DNAH9: variants seen among roughly 807,000 people sequenced by gnomAD.
The protein encoded by DNAH9 is DNAH9 variant protein.
Under a neutral mutation model 471.6 loss-of-function variants are expected in DNAH9, and 345 were observed. The observed-to-expected ratio is 0.73, with a 90% CI of 0.67 to 0.80. The LOEUF is 0.80. Ranked by LOEUF, DNAH9 falls within the 30% of genes least tolerant of loss-of-function variation. DNAH9 has a pLI of 0.00. For missense variants in DNAH9, 5,407 were observed against 5,609.2 expected, an observed-to-expected ratio of 0.96 and a Z score of 1.15; for synonymous variants, 2,093 against 2,123.6, an observed-to-expected ratio of 0.99 and a Z score of 0.40.
rs1205010044 is a variant in DNAH9 at position 11,645,873 on chromosome 17, C to CTTTTTTTTTTT, written c.1970+1179_1970+1180insTTTTTTTTTTT. 1.4e-3 allele frequency among the ~76,000 whole-genome samples: 191 copies of CTTTTTTTTTTT among 138,654 alleles called. 5 individuals carry two copies. The highest frequency in any genetic ancestry group is 5.3e-3 in the African/African-American group (187 of 34,986). The allele number at this position is 138,654 out of a possible 152,430, so 91.0% of individuals were successfully genotyped here. The stretch of plus-strand genomic sequence containing the variant: ...TGATGTCCTGTACATTTCTCTTTTT[C>CTTTTTTTTTTT]TTTTTCTTTTTTTTTTTTTTTTTTG... On this transcript the variant is annotated intron_variant, in intron 11 of 68. Coordinates refer to ENST00000262442, the MANE Select transcript of DNAH9 (RefSeq NM_001372.4).
chr17:11,834,328 CAAAAAAAA>C (rs762924565), intron 48 of DNAH9, among the ~76,000 whole-genome samples: 6 of 77,860 alleles, frequency 7.7e-5, no homozygotes, highest in East Asian at 4.3e-4. Context: ...GACTCCGTCT[CAAAAAAAA>C]AAAAAAAAAA....
chr17:11,827,842 C>A (rs1203426639), intron 48 of DNAH9, among the ~76,000 whole-genome samples: 1 of 152,090 alleles, frequency 6.6e-6, no homozygotes, highest in African/African-American at 2.4e-5. Context: ...TGCGCCACCA[C>A]ACCCGGCTAA....
At chr17:11,695,355 G>C (rs2074457415) in intron 22 of DNAH9, among the ~76,000 whole-genome samples, 1 of 152,140 alleles carries the variant, frequency 6.6e-6, no homozygotes, top group South Asian at 2.1e-4. Flanking sequence ...AAAGATCCAG[G>C]AAATACTGGC....
Position 11,946,389 on chromosome 17 carries a change from T to C in DNAH9, c.12843+3904T>C, listed in dbSNP as rs555782583. On this transcript the variant is annotated intron_variant, in intron 67 of 68. Transcript: ENST00000262442. ...TGATAAAAATTACTTCCCGGCCAGG[T>C]GTGGTGGCTCACACCTGTAATCCCA... Among the ~76,000 whole-genome samples, 27 of 150,094 alleles carry C rather than the reference T, an allele frequency of 1.8e-4. 1 individual carries two copies. The highest frequency in any genetic ancestry group is 7.0e-3 in the Middle Eastern group (2 of 284).
At chr17:11,864,957 A>T (rs372714885) in intron 50 of DNAH9, among the ~76,000 whole-genome samples, 1 of 152,150 alleles carries the variant, frequency 6.6e-6, no homozygotes, top group Non-Finnish European at 1.5e-5. Flanking sequence ...ACACACTGAT[A>T]GGTCTTGACT....
At chr17:11,819,711 G>A (rs987730109) in intron 45 of DNAH9, among the ~76,000 whole-genome samples, 1 of 152,176 alleles carries the variant, frequency 6.6e-6, no homozygotes, top group African/African-American at 2.4e-5. Flanking sequence ...ATGAAAAATG[G>A]CAATGTTGAG....
chr17:11,907,815 A>T (rs1973659624), intron 61 of DNAH9, among the ~76,000 whole-genome samples: 1 of 152,182 alleles, frequency 6.6e-6, no homozygotes, highest in Non-Finnish European at 1.5e-5. Context: ...CCAGCCCTCC[A>T]GATACGCAGT....
intron 12 of DNAH9, among the ~76,000 whole-genome samples, chr17:11,648,905 C>T (rs770498232): frequency 1.3e-5 from 2 of 152,092 alleles, no homozygotes; most frequent in Non-Finnish European, 2.9e-5. Context: ...GTGAGTGGAT[C>T]ACCTGAGGTC....
At chr17:11,700,353 A>G (rs1238312245) in intron 23 of DNAH9, among the ~76,000 whole-genome samples, 1 of 152,004 alleles carries the variant, frequency 6.6e-6, no homozygotes, top group Non-Finnish European at 1.5e-5. Flanking sequence ...ACTTCCTCCC[A>G]CAGCCTTCCC....
intron 35 of DNAH9, among the ~76,000 whole-genome samples, chr17:11,762,633 A>T (rs1332110092): frequency 6.6e-6 from 1 of 151,864 alleles, no homozygotes; most frequent in Admixed American, 6.6e-5. Context: ...GGTCCACTCT[A>T]CTTCCCAGAT....
chr17:11,840,405 T>A (rs1970991440), intron 49 of DNAH9, among the ~76,000 whole-genome samples: 1 of 152,166 alleles, frequency 6.6e-6, no homozygotes, highest in African/African-American at 2.4e-5. Flanking sequence ...TGCATTCTAT[T>A]TAATTATTTA....
Position 11,969,441 on chromosome 17 carries a change from A to ACCTACG in DNAH9, c.13376_13381dup (p.Tyr4460_Val4461insAlaTyr). On this transcript the variant is annotated inframe_insertion, in exon 69 of 69. Coordinates refer to ENST00000262442, the MANE Select transcript of DNAH9 (RefSeq NM_001372.4). ...GTACAAGACTAGTCAGCGGGGACCC[A>ACCTACG]CCTACGTGTGGACTTTCAACCTGAA... 1 of 1,613,978 alleles carries ACCTACG rather than the reference A, an allele frequency of 6.2e-7. No individual in the cohort carries two copies. Among genetic ancestry groups the ACCTACG allele is most frequent in the East Asian group, 2.2e-5 (1 of 44,864 alleles).
chr17:11,671,467 A>C lies in DNAH9; in HGVS notation c.3353+1673A>C, dbSNP rs78030778. ...TGATTTCTGTGGGAAGGAATAGACA[A>C]GACATGGCAAGCAGGCTCAGGATTG... On this transcript the variant is annotated intron_variant, in intron 17 of 68. Coordinates refer to ENST00000262442, the MANE Select transcript of DNAH9 (RefSeq NM_001372.4). 9.4e-3 allele frequency among the ~76,000 whole-genome samples: 1,430 copies of C among 152,248 alleles called. 28 individuals are homozygous for C. Among genetic ancestry groups the C allele is most frequent in the African/African-American group, 0.032 (1,342 of 41,544 alleles).
Position 11,696,986 on chromosome 17 carries a change from A to G in DNAH9, c.4872+2539A>G, listed in dbSNP as rs555795223. ...TTGTGCTCAAGGGTCCTCCCACCTC[A>G]GGCTCCAGAGTAGCTGGAACTACAG... On this transcript the variant is annotated intron_variant, in intron 22 of 68. Transcript: ENST00000262442. Among the ~76,000 whole-genome samples, 14 of 152,184 alleles carry G rather than the reference A, an allele frequency of 9.2e-5. No individual in the cohort carries two copies. The South Asian group carries it at 1.9e-3, about 20-fold the overall frequency.
intron 31 of DNAH9, among the ~76,000 whole-genome samples, chr17:11,746,824 C>T (rs1473874794): frequency 6.6e-6 from 1 of 152,110 alleles, no homozygotes; most frequent in African/African-American, 2.4e-5. Context: ...AATTATCATC[C>T]ATGATATTCT....
chr17:11,751,743 A>T (rs1302209928), intron 32 of DNAH9, among the ~76,000 whole-genome samples: 1 of 152,098 alleles, frequency 6.6e-6, no homozygotes, highest in Non-Finnish European at 1.5e-5. Flanking sequence ...AGGACAAGAA[A>T]ATGAAATAGA....
Position 11,932,644 on chromosome 17 carries a change from C to A in DNAH9, c.12297+439C>A, listed in dbSNP as rs1480839391. Among the ~76,000 whole-genome samples the A allele has an allele frequency of 6.6e-6, 1 of 152,238 alleles. No individual in the cohort carries two copies. The highest frequency in any genetic ancestry group is 2.4e-5 in the African/African-American group (1 of 41,468). ...GCACACAGAAGGGCTGCACCCCACA[C>A]AGGTGGGATGAGGCAGTGCCAACCC... is the stretch of plus-strand genomic sequence containing the variant. On this transcript the variant is annotated intron_variant, in intron 64 of 68. Coordinates refer to ENST00000262442, the MANE Select transcript of DNAH9 (RefSeq NM_001372.4). The surrounding 1 kb of genome is among the most constrained non-coding windows in gnomAD (Gnocchi z 4.3).
intron 35 of DNAH9, among the ~76,000 whole-genome samples, chr17:11,762,757 C>A (rs548607998): frequency 3.0e-4 from 17 of 56,000 alleles, no homozygotes; most frequent in Admixed American, 6.7e-4. Context: ...TCTTTAGGTG[C>A]GTTTTTTTTT....
At chr17:11,893,657 T>G (rs976154491) in intron 58 of DNAH9, among the ~76,000 whole-genome samples, 3 of 151,246 alleles carry the variant, frequency 2.0e-5, no homozygotes, top group Non-Finnish European at 2.9e-5. Context: ...TAAGTGGGAG[T>G]TGAACAATGA....
Sources: gnomAD v4.1 joint callset for allele counts (sites outside exome capture counted in the v4.1 genomes callset) on GRCh38, gnomAD v4.1.1 for gene constraint, Gnocchi (gnomAD v3.1) non-coding constraint, MANE v1.5 for transcripts, NCBI Gene and HGNC (gene_info 2026-07-23, HGNC 2026-07-21) for gene names.